Variants in IL6R observed in about 807,000 individuals in gnomAD.
IL6R encodes interleukin 6 receptor.
In IL6R, 38 loss-of-function variants were observed where a neutral mutation model predicts 48.3. The ratio of observed to expected loss-of-function variants is 0.79; its 90% confidence interval spans 0.61 to 1.03. The LOEUF (loss-of-function observed/expected upper bound fraction) is 1.03, where lower values mean the gene tolerates loss of function less well. IL6R is among the 50% of genes least tolerant of loss of function. The pLI, the probability that IL6R is intolerant of heterozygous loss-of-function variation, is 0.00. For synonymous variants in IL6R, 264 were observed against 256.2 expected (o/e 1.03, Z -0.29); for missense variants, 534 against 618.3 (o/e 0.86, Z 1.45).
In IL6R at chr1:154,434,588, C is replaced by A. The variant is rs1689500245; in HGVS notation, c.528C>A (p.Cys176Ter). 6.2e-7 allele frequency: 1 copy of A among 1,613,892 alleles called. No individual in the cohort carries two copies. The change falls in exon 4 of 10, where the codon TGC (cysteine) becomes TGA (stop). Residue 176 changes from cysteine (C) to a stop codon, truncating the protein, a stop_gained. Coordinates refer to ENST00000368485, the MANE Select transcript of IL6R (RefSeq NM_000565.4). LOFTEE classifies it high-confidence loss of function. ...CCCAGGAGTCCCAGAAGTTCTCCTGCCAGTTAGCAGTCCCGGAGGGAGACA... is the reference window on the plus strand; with the variant it reads ...CCCAGGAGTCCCAGAAGTTCTCCTGACAGTTAGCAGTCCCGGAGGGAGACA... ...QYSQESQKFS[C>*]QLAVPEGDSS...
intron 1 of IL6R, among the ~76,000 whole-genome samples, chr1:154,418,246 G>A (rs904673022): frequency 1.3e-5 from 2 of 152,202 alleles, no homozygotes; most frequent in African/African-American, 2.4e-5. Flanking sequence ...CTGGAGCCAG[G>A]TGGTTATCTC....
At chr1:154,437,545 C>T (rs894883206) in intron 6 of IL6R, 1 of 427,098 alleles carries the variant, frequency 2.3e-6, no homozygotes, top group South Asian at 1.6e-5. Context: ...TCCTAAGTAG[C>T]TGGGACCACA....
chr1:154,410,029 A>G (rs1687937229), intron 1 of IL6R, among the ~76,000 whole-genome samples: 1 of 152,120 alleles, frequency 6.6e-6, no homozygotes, highest in Non-Finnish European at 1.5e-5. Flanking sequence ...CTCTTTAACA[A>G]TGTGTACTAC....
At chr1:154,453,547 G>T (rs1003078020) in intron 8 of IL6R, among the ~76,000 whole-genome samples, 2 of 152,254 alleles carry the variant, frequency 1.3e-5, no homozygotes, top group Admixed American at 1.3e-4. Flanking sequence ...AGGGACTCTG[G>T]CAGTGGTAGG....
intron 9 of IL6R, among the ~76,000 whole-genome samples, chr1:154,456,685 T>C (rs1690908256): frequency 6.6e-6 from 1 of 152,116 alleles, no homozygotes; most frequent in African/African-American, 2.4e-5. Context: ...CAGTGAAAAG[T>C]GGTGATTCCA....
rs548617140 is a variant in IL6R at position 154,450,426 on chromosome 1, A to G, written c.1066+446A>G. 9.4e-4 allele frequency among the ~76,000 whole-genome samples: 143 copies of G among 152,160 alleles called. 1 individual carries two copies. The highest frequency in any genetic ancestry group is 7.5e-3 in the Admixed American group (115 of 15,272). On this transcript the variant is annotated intron_variant, in intron 8 of 9. Coordinates refer to ENST00000368485, the MANE Select transcript of IL6R (RefSeq NM_000565.4). ...GGCATGAGCCACCGTGCCTGGCCAG[A>G]AATGTTCTTTTATTACTTTATATGT...
chr1:154,454,439 T>C, intron 8 of IL6R, 49 bp from the exon 9 acceptor site: 1 of 1,229,968 alleles, frequency 8.1e-7, no homozygotes. Flanking sequence ...TTCCTTTTTC[T>C]CCATATTCTC....
chr1:154,458,736 A>C (rs1309683129), intron 9 of IL6R, among the ~76,000 whole-genome samples: 1 of 150,238 alleles, frequency 6.7e-6, no homozygotes, highest in Non-Finnish European at 1.5e-5. Flanking sequence ...CCCTGTCTCT[A>C]CTAAAAATAC....
At chr1:154,437,715 C>T (rs1355308306) in intron 6 of IL6R, among the ~76,000 whole-genome samples, 3 of 149,494 alleles carry the variant, frequency 2.0e-5, no homozygotes, top group Non-Finnish European at 4.5e-5. Flanking sequence ...CCTGACTAAA[C>T]TTTAAATTTT....
rs1409163779 is a variant in IL6R, at chr1:154,429,180, C to T, written c.86-16C>T. The T allele has an allele frequency of 6.2e-7, 1 of 1,602,754 alleles. No individual in the cohort carries two copies. The highest frequency in any genetic ancestry group is 1.1e-5 in the South Asian group (1 of 90,636). Reference sequence around the variant, plus strand: ...CAGTGGCTGTGGGCTCACCAAGTGTCTTCTCCCTCCTCCAGAGGTGGCGAG... The same window carrying T: ...CAGTGGCTGTGGGCTCACCAAGTGTTTTCTCCCTCCTCCAGAGGTGGCGAG... On this transcript the variant is annotated splice_polypyrimidine_tract_variant and intron_variant, in intron 1 of 9. Coordinates refer to ENST00000368485, the MANE Select transcript of IL6R (RefSeq NM_000565.4).
Position 154,455,272 on chromosome 1 carries a change from G to A in IL6R, c.1160+691G>A, listed in dbSNP as rs182097608. Among the ~76,000 whole-genome samples, 71 of 152,046 alleles carry A rather than the reference G, an allele frequency of 4.7e-4. No individual in the cohort carries two copies. The East Asian group carries it at 0.013, about 27-fold the overall frequency. ...TATGGTTGACAGCGTGTGCATGCAC[G>A]TGTCTGTGAAGGGGGCGCAGCACGG... On this transcript the variant is annotated intron_variant, in intron 9 of 9. Transcript: ENST00000368485.
intron 9 of IL6R, among the ~76,000 whole-genome samples, chr1:154,461,815 G>A (rs1464907475): frequency 6.6e-6 from 1 of 152,112 alleles, no homozygotes; most frequent in East Asian, 1.9e-4. Flanking sequence ...TGTTGGACTG[G>A]GCCAAAGTGT....
intron 1 of IL6R, among the ~76,000 whole-genome samples, chr1:154,418,591 C>T (rs1688485925): frequency 1.3e-5 from 2 of 152,174 alleles, no homozygotes; most frequent in Non-Finnish European, 1.5e-5. Context: ...GTTGCTGGGC[C>T]TCCCATTAGA....
chr1:154,460,578 C>A (rs981560958), intron 9 of IL6R, among the ~76,000 whole-genome samples: 14 of 152,000 alleles, frequency 9.2e-5, no homozygotes, highest in African/African-American at 3.4e-4. Context: ...ATATGTCATC[C>A]AAAGAGAGCC....
intron 6 of IL6R, among the ~76,000 whole-genome samples, chr1:154,444,073 C>T (rs78538855): frequency 3.3e-5 from 5 of 152,168 alleles, no homozygotes; most frequent in Non-Finnish European, 5.9e-5. Flanking sequence ...CCCCTCTCCA[C>T]GACCCTCCTC....
chr1:154,460,811 G>C (rs780069662), intron 9 of IL6R, among the ~76,000 whole-genome samples: 1 of 152,170 alleles, frequency 6.6e-6, no homozygotes, highest in Non-Finnish European at 1.5e-5. Context: ...GGGTCCAGCC[G>C]TACGGAGCTT....
intron 1 of IL6R, among the ~76,000 whole-genome samples, chr1:154,426,701 T>C (rs1317946238): frequency 6.6e-6 from 1 of 152,184 alleles, no homozygotes; most frequent in East Asian, 1.9e-4. Flanking sequence ...AACTTTTATG[T>C]ATGTAGCTTT....
At chr1:154,448,879 T>C (rs1322439384) in intron 7 of IL6R, among the ~76,000 whole-genome samples, 1,697 of 117,290 alleles carry the variant, frequency 0.014, 249 homozygotes, top group African/African-American at 0.061. Flanking sequence ...TAAGGGCTTT[T>C]TTTTTTTTTT....
intron 1 of IL6R, among the ~76,000 whole-genome samples, chr1:154,407,006 C>T (rs981666621): frequency 1.3e-4 from 20 of 152,118 alleles, no homozygotes; most frequent in African/African-American, 4.8e-4. Context: ...GTGATGGAGG[C>T]CAACCCCTCC....
Sources: allele counts gnomAD v4.1 joint callset (sites outside exome capture counted in the v4.1 genomes callset), GRCh38; gene constraint gnomAD v4.1.1; transcripts MANE v1.5; gene names NCBI Gene and HGNC (gene_info 2026-07-23, HGNC 2026-07-21).